Variants in EED observed in about 807,000 individuals in gnomAD.
The protein encoded by EED is polycomb protein EED.
EED carries 9 observed loss-of-function variants against 61.0 expected under a neutral mutation model. The ratio of observed to expected loss-of-function variants is 0.15; its 90% CI spans 0.09 to 0.26. The LOEUF (loss-of-function observed/expected upper bound fraction) is 0.26, where lower values mean the gene tolerates loss of function less well. Among genes scored for constraint, EED ranks in the 10% least tolerant of loss-of-function variants. The pLI, the probability that EED is intolerant of heterozygous loss-of-function variation, is 1.00. For synonymous variants in EED, 187 were observed against 174.4 expected, an observed-to-expected ratio of 1.07 and a Z score of -0.57; for missense variants, 315 against 542.3, an observed-to-expected ratio of 0.58 and a Z score of 4.16.
chr11:86,285,896 G>T, the EED span, among the ~76,000 whole-genome samples: 45 of 152,160 alleles, frequency 3.0e-4, no homozygotes, highest in African/African-American at 1.1e-3. Context: ...ACCAGGCCTG[G>T]TGTAATGATC....
Position 86,256,375 on chromosome 11 carries a change from G to T in EED, c.427-12G>T. The T allele has an allele frequency of 1.9e-6, 3 of 1,553,508 alleles. No individual in the cohort carries two copies. The highest frequency in any genetic ancestry group is 2.3e-5 in the East Asian group (1 of 43,976). ...CAAAAACATTATGTTTCTTAACTGT[G>T]GAATTTCTTAGGCTGATGAAAACTT... On this transcript the variant is annotated splice_polypyrimidine_tract_variant and intron_variant, in intron 4 of 11. Transcript: ENST00000263360.
chr11:86,268,594 C>CGTGTGTGTGTGTGTGTGTGTGT (rs71040225), intron 9 of EED, 33 bp downstream of exon 9: 3 of 820,724 alleles, frequency 3.7e-6, no homozygotes, highest in East Asian at 2.8e-5. Flanking sequence ...GTACTTCCAT[C>CGTGTGTGTGTGTGTGTGTGTGT]GTGTGTGTGT....
In EED at chr11:86,244,839, G is replaced by T. The variant is rs770511312; in HGVS notation, c.-391G>T. 4 of 244,482 alleles carry T rather than the reference G, an allele frequency of 1.6e-5. No individual in the cohort carries two copies. The highest frequency in any genetic ancestry group is 6.0e-5 in the East Asian group (1 of 16,586). 15.1% of individuals were successfully genotyped at this position (244,482 alleles called of 1,614,324 possible). The stretch of plus-strand genomic sequence containing the variant: ...CTGAAACGTCTTTGGAAGGAGGAAG[G>T]GGGTGAGGGAGCATCCCTTTGAGTT... On this transcript the variant is annotated 5_prime_UTR_variant, in exon 1 of 12. Coordinates refer to ENST00000263360, the MANE Select transcript of EED (RefSeq NM_003797.5).
At chr11:86,268,242 G>T in intron 8 of EED, 1 of 416,032 alleles carries the variant, frequency 2.4e-6, no homozygotes, top group Non-Finnish European at 4.3e-6. Context: ...ATAGGACAAA[G>T]ATAAAATTGG....
At chr11:86,255,418 C>A in intron 4 of EED, 131 bp downstream of exon 4, 4 of 685,090 alleles carry the variant, frequency 5.8e-6, no homozygotes, top group East Asian at 2.9e-5. Flanking sequence ...CACTATCACC[C>A]AAGAGAATCC....
intron 7 of EED, chr11:86,264,491 G>A (rs752158739): frequency 2.8e-6 from 1 of 350,986 alleles, no homozygotes. Flanking sequence ...AATCCCTGGA[G>A]TCTTATGAGA....
At chr11:86,248,874 G>A (rs936416769) in intron 1 of EED, among the ~76,000 whole-genome samples, 1 of 152,078 alleles carries the variant, frequency 6.6e-6, no homozygotes, top group Admixed American at 6.6e-5. Flanking sequence ...AGCTGGGTGT[G>A]GTGGCCAGCT....
chr11:86,258,331 T>A (rs1378882151), intron 6 of EED, among the ~76,000 whole-genome samples: 1 of 152,190 alleles, frequency 6.6e-6, no homozygotes, highest in Non-Finnish European at 1.5e-5. Flanking sequence ...CCTATAGAAT[T>A]TCTTAAAAAT....
intron 8 of EED, 100 bp from the exon 9 acceptor site, chr11:86,268,356 C>A (rs1426476446): frequency 5.7e-6 from 4 of 707,654 alleles, no homozygotes; most frequent in Non-Finnish European, 9.3e-6. Flanking sequence ...AATAGTCTTA[C>A]ATTTTGTTTT....
rs1325758414 is a variant in EED at position 86,250,317 on chromosome 11, A to G, written c.136A>G (p.Ser46Gly). The change falls in exon 2 of 12, where the codon AGT becomes GGT. Residue 46 changes from serine to glycine, a missense_variant. Transcript: ENST00000263360. ...DENDDAVSIE[S>G]GTNTERPDTP... ...ACAGGATGACGCTGTCAGTATAGAA[A>G]GTGGTACAAACACTGAACGCCCTGA... 1.3e-6 allele frequency: 2 copies of G among 1,586,398 alleles called. No individual in the cohort carries two copies. Among genetic ancestry groups the G allele is most frequent in the Non-Finnish European group, 1.7e-6 (2 of 1,169,308 alleles).
At position 86,266,171 on chromosome 11, in the gene EED, A is replaced by G. The variant is rs938759887; in HGVS notation, c.815A>G (p.Asn272Ser). 1.1e-5 allele frequency: 17 copies of G among 1,605,258 alleles called. No homozygotes were observed. Among genetic ancestry groups the G allele is most frequent in the Admixed American group, 1.7e-5 (1 of 59,602 alleles). Reference sequence around the variant, plus strand: ...AGGATCAATTCAAAGAGAATGATGAATGCAATTAAGGAATCTTATGATTAT... The same window carrying G: ...AGGATCAATTCAAAGAGAATGATGAGTGCAATTAAGGAATCTTATGATTAT... ...LWRINSKRMM[N>S]AIKESYDYNP... The change falls in exon 8 of 12, where the codon AAT becomes AGT. Residue 272 changes from asparagine to serine, a missense_variant. By Grantham distance (46) the Asn-to-Ser change is conservative (BLOSUM62 1). Transcript: ENST00000263360.
At chr11:86,247,191 C>T (rs1283172071) in intron 1 of EED, among the ~76,000 whole-genome samples, 1 of 152,170 alleles carries the variant, frequency 6.6e-6, no homozygotes, top group Non-Finnish European at 1.5e-5. Context: ...CTGTTCAAGA[C>T]CAAATGATTG....
intron 9 of EED, among the ~76,000 whole-genome samples, chr11:86,270,776 A>G (rs567868223): frequency 2.6e-5 from 4 of 152,292 alleles, no homozygotes; most frequent in South Asian, 4.1e-4. Flanking sequence ...TTGGAAGACT[A>G]TTCTTCCGCC....
At chr11:86,261,228 A>G (rs773225934) in intron 6 of EED, among the ~76,000 whole-genome samples, 3 of 152,224 alleles carry the variant, frequency 2.0e-5, no homozygotes, top group Non-Finnish European at 4.4e-5. Flanking sequence ...TAGGATAGAC[A>G]GTCCCTTCCA....
chr11:86,251,740 T>G (rs182534632), intron 2 of EED, among the ~76,000 whole-genome samples: 64 of 152,324 alleles, frequency 4.2e-4, no homozygotes, highest in Admixed American at 4.2e-3. Context: ...TTATAAAATT[T>G]AGTGAATGCC....
rs548967933 is a variant in EED at position 86,257,697 on chromosome 11, A to G, written c.634+101A>G. On this transcript the variant is annotated intron_variant, in intron 6 of 11. Coordinates refer to ENST00000263360, the MANE Select transcript of EED (RefSeq NM_003797.5). ...CTGACAAATAGGAAAAACCATGAGA[A>G]GAGAGTCCACATGCTTGTATGTCTG... The G allele has an allele frequency of 2.0e-4, 183 of 904,682 alleles. 1 individual carries two copies. The East Asian group carries it at 5.1e-3, about 25-fold the overall frequency. 56.0% of individuals were successfully genotyped at this position (904,682 alleles called of 1,614,324 possible). A position where few individuals can be genotyped will look rare whatever the true frequency, so the allele number is the denominator to read the frequency against.
At chr11:86,278,075 GC>G in intron 11 of EED, 84 bp downstream of exon 11, 1 of 1,393,458 alleles carries the variant, frequency 7.2e-7, no homozygotes, top group Non-Finnish European at 9.3e-7. Context: ...ATTTATATTT[GC>G]AGTGCCATCC....
At chr11:86,245,430 C>A (rs1945368551) in intron 1 of EED, 87 bp downstream of exon 1, 1 of 1,094,580 alleles carries the variant, frequency 9.1e-7, no homozygotes, top group Non-Finnish European at 1.3e-6. Flanking sequence ...GAGCGGGCTG[C>A]TGTGGGGGGA....
chr11:86,273,257 A>G (rs542990679), intron 9 of EED, among the ~76,000 whole-genome samples: 6 of 152,354 alleles, frequency 3.9e-5, no homozygotes, highest in African/African-American at 1.4e-4. Flanking sequence ...TCCTGGCCTC[A>G]GGTGATTCCC....
Sources: allele counts gnomAD v4.1 joint callset (sites outside exome capture counted in the v4.1 genomes callset), GRCh38; gene constraint gnomAD v4.1.1; transcripts MANE v1.5; gene names NCBI Gene and HGNC (gene_info 2026-07-23, HGNC 2026-07-21).